The following CACNA2D3 variants were observed in gnomAD, a reference collection of about 807,000 sequenced individuals.
CACNA2D3 encodes the protein voltage-dependent calcium channel subunit alpha-2/delta-3.
CACNA2D3 carries 60 observed loss-of-function variants against 160.6 expected under a neutral mutation model. That is an observed-to-expected ratio of 0.37 (90% CI 0.30 to 0.46). The LOEUF (loss-of-function observed/expected upper bound fraction) is 0.46, where lower values mean the gene tolerates loss of function less well. Among genes scored for constraint, CACNA2D3 ranks in the 20% least tolerant of loss-of-function variants. The probability of loss-of-function intolerance (pLI) is 1.00; values close to 1 mark genes in which losing one functional copy is unlikely to be tolerated. For synonymous variants in CACNA2D3, 558 were observed against 492.9 expected, an observed-to-expected ratio of 1.13 and a Z score of -1.75; for missense variants, 1,205 against 1,365.0, an observed-to-expected ratio of 0.88 and a Z score of 1.85.
At chr3:55,066,747 T>A (rs907714442) in intron 35 of CACNA2D3, among the ~76,000 whole-genome samples, 1 of 152,148 alleles carries the variant, frequency 6.6e-6, no homozygotes, top group Non-Finnish European at 1.5e-5. Flanking sequence ...CTCTCCCAAC[T>A]CCCTTTCCCT....
intron 34 of CACNA2D3, among the ~76,000 whole-genome samples, chr3:55,013,079 C>G (rs1472024782): frequency 6.6e-6 from 1 of 152,216 alleles, no homozygotes; most frequent in Non-Finnish European, 1.5e-5. Context: ...GACCTCCTTT[C>G]CACAGACTAC....
rs1703026216 is a variant in CACNA2D3 at position 55,003,459 on chromosome 3, G to C, written c.2691-1304G>C. 1.3e-5 allele frequency among the ~76,000 whole-genome samples: 2 copies of C among 152,236 alleles called. 1 individual carries two copies. The highest frequency in any genetic ancestry group is 4.1e-4 in the South Asian group (2 of 4,826). On this transcript the variant is annotated intron_variant, in intron 31 of 37. Transcript: ENST00000474759. The stretch of plus-strand genomic sequence containing the variant: ...GGTTTGCTGAAAATGAACTGACAAA[G>C]GGCAGGTGAATAGGAAAAAAAGGCA...
At chr3:55,064,411 G>A (rs1046685331) in intron 35 of CACNA2D3, among the ~76,000 whole-genome samples, 1 of 152,092 alleles carries the variant, frequency 6.6e-6, no homozygotes, top group Non-Finnish European at 1.5e-5. Context: ...CCGGTGAGGT[G>A]GGGGGCAGGG....
chr3:54,275,418 A>C (rs1275891792), intron 2 of CACNA2D3, among the ~76,000 whole-genome samples: 1 of 152,212 alleles, frequency 6.6e-6, no homozygotes, highest in Non-Finnish European at 1.5e-5. Flanking sequence ...TATGAAAGGC[A>C]TAGAATTATA....
At chr3:54,338,467 C>CTG (rs71074965) in intron 3 of CACNA2D3, among the ~76,000 whole-genome samples, 18,231 of 136,298 alleles carry the variant, frequency 0.13, 1,191 homozygotes, top group East Asian at 0.18. Context: ...TCTCCCCTCC[C>CTG]TGTGTGTGTG....
intron 3 of CACNA2D3, among the ~76,000 whole-genome samples, chr3:54,329,231 T>A (rs965344968): frequency 6.6e-6 from 1 of 152,362 alleles, no homozygotes; most frequent in South Asian, 2.1e-4. Flanking sequence ...TTAACTGTAC[T>A]ATTTCTTTTC....
chr3:54,737,665 A>G (rs1701560994), intron 11 of CACNA2D3, among the ~76,000 whole-genome samples: 2 of 152,028 alleles, frequency 1.3e-5, no homozygotes, highest in South Asian at 4.2e-4. Flanking sequence ...AAAGGCGGGG[A>G]TCTCTATCCT....
intron 9 of CACNA2D3, among the ~76,000 whole-genome samples, chr3:54,615,127 A>C (rs1476716913): frequency 7.2e-5 from 11 of 152,214 alleles, no homozygotes. Flanking sequence ...TCTTCGCAGA[A>C]ATTGGTTATC....
intron 2 of CACNA2D3, among the ~76,000 whole-genome samples, chr3:54,290,928 G>A (rs1703183129): frequency 6.6e-6 from 1 of 152,040 alleles, no homozygotes; most frequent in South Asian, 2.1e-4. Context: ...GGGGGGTGAG[G>A]GATAGCATTA....
intron 3 of CACNA2D3, among the ~76,000 whole-genome samples, chr3:54,324,211 G>C (rs1704072871): frequency 6.6e-6 from 1 of 152,110 alleles, no homozygotes; most frequent in South Asian, 2.1e-4. Context: ...CTTCTGGCTT[G>C]ATTTCATCAT....
At chr3:54,408,885 C>A (rs1448964289) in intron 4 of CACNA2D3, among the ~76,000 whole-genome samples, 1 of 152,014 alleles carries the variant, frequency 6.6e-6, no homozygotes, top group African/African-American at 2.4e-5. Context: ...TATGGGACTC[C>A]CACAAACTGA....
intron 17 of CACNA2D3, among the ~76,000 whole-genome samples, chr3:54,866,823 T>C (rs1699411466): frequency 1.3e-5 from 2 of 152,208 alleles, no homozygotes; most frequent in Admixed American, 6.5e-5. Flanking sequence ...TCCAGCTTGC[T>C]CCTCGGATGA....
In CACNA2D3 at chr3:55,043,282, A is replaced by C. The variant is rs117665950; in HGVS notation, c.2987+24965A>C. On this transcript the variant is annotated intron_variant, in intron 35 of 37. Transcript: ENST00000474759. Reference sequence around the variant, plus strand: ...TCCTTGCCAGCTCTTGGTATTATTCATTCCTTCCTTCCTTCCTTCCTTGCT... The same window carrying C: ...TCCTTGCCAGCTCTTGGTATTATTCCTTCCTTCCTTCCTTCCTTCCTTGCT... Among the ~76,000 whole-genome samples, 165 of 150,652 alleles carry C rather than the reference A, an allele frequency of 1.1e-3. 4 individuals are homozygous for C. In the East Asian group the frequency reaches 0.029, roughly 26 times the overall value.
chr3:54,824,462 T>A (rs919398531), intron 14 of CACNA2D3, among the ~76,000 whole-genome samples: 3 of 152,200 alleles, frequency 2.0e-5, no homozygotes, highest in African/African-American at 7.2e-5. Flanking sequence ...AACTTGCTAT[T>A]TGGAGAGTGT....
At chr3:54,473,391 A>G (rs36143960) in intron 4 of CACNA2D3, among the ~76,000 whole-genome samples, 1,915 of 152,330 alleles carry the variant, frequency 0.013, 11 homozygotes, top group Non-Finnish European at 0.019. Flanking sequence ...CTCAGGATGG[A>G]TTAAAGACTT....
chr3:54,417,201 A>G lies in CACNA2D3; in HGVS notation c.381+30427A>G, dbSNP rs139826653. Among the ~76,000 whole-genome samples, 855 of 152,366 alleles carry G rather than the reference A, an allele frequency of 5.6e-3. 8 individuals carry two copies. The highest frequency in any genetic ancestry group is 0.019 in the African/African-American group (795 of 41,582). ...TAAAAGCCATGAGAGTCAGTCTTTC[A>G]TGGAAAATCCTAGATCTGACATTTC... On this transcript the variant is annotated intron_variant, in intron 4 of 37. Transcript: ENST00000474759.
chr3:54,288,220 A>G (rs1269846359), intron 2 of CACNA2D3, among the ~76,000 whole-genome samples: 7 of 152,242 alleles, frequency 4.6e-5, no homozygotes, highest in African/African-American at 1.7e-4. Context: ...AACAGATGCA[A>G]TAAAAAATGA....
chr3:54,578,057 A>G (rs918232804), intron 8 of CACNA2D3, among the ~76,000 whole-genome samples: 1 of 151,990 alleles, frequency 6.6e-6, no homozygotes, highest in Non-Finnish European at 1.5e-5. Context: ...GCCTGGGCCC[A>G]CTCCTGTCTT....
intron 13 of CACNA2D3, among the ~76,000 whole-genome samples, chr3:54,789,477 T>TGGTG (rs1702705556): frequency 6.6e-6 from 1 of 152,188 alleles, no homozygotes; most frequent in Non-Finnish European, 1.5e-5. Context: ...ATCATGTGCT[T>TGGTG]GGTGCTGAAT....
Sources: gnomAD v4.1 joint callset for allele counts (sites outside exome capture counted in the v4.1 genomes callset) on GRCh38, gnomAD v4.1.1 for gene constraint, MANE v1.5 for transcripts, NCBI Gene and HGNC (gene_info 2026-07-23, HGNC 2026-07-21) for gene names.